Variants in CEP85L observed in about 807,000 individuals in gnomAD.
CEP85L encodes the protein centrosomal protein of 85 kDa-like.
Under a neutral mutation model 100.3 loss-of-function variants are expected in CEP85L, and 60 were observed. The observed-to-expected ratio is 0.60, with a 90% CI of 0.49 to 0.74. The LOEUF (loss-of-function observed/expected upper bound fraction) is 0.74, where lower values mean the gene tolerates loss of function less well. CEP85L is among the 30% of genes least tolerant of loss of function. The pLI, the probability that CEP85L is intolerant of heterozygous loss-of-function variation, is 0.00. For missense variants in CEP85L, 973 were observed against 936.2 expected (o/e 1.04, Z -0.51); for synonymous variants, 319 against 322.7 (o/e 0.99, Z 0.12).
intron 11 of CEP85L, among the ~76,000 whole-genome samples, chr6:118,470,119 AAAG>A (rs893160994): frequency 6.6e-6 from 1 of 152,140 alleles, no homozygotes; most frequent in Non-Finnish European, 1.5e-5. Flanking sequence ...GTATAAAATC[AAAG>A]AAGAAGAAAA....
rs192785931 is a variant in CEP85L at position 118,560,828 on chromosome 6, T to A, written c.1020+4701A>T. ...GGAAAATATATTCACCAAACTTTGG[T>A]AATTTAAGTTGACTAAAGTTTAAAA... On this transcript the variant is annotated intron_variant, in intron 3 of 12. Transcript: ENST00000368491. The A allele has an allele frequency of 2.6e-5, 4 of 153,528 alleles. No individual in the cohort carries two copies. In the Admixed American group the frequency reaches 2.6e-4, roughly 10 times the overall value. 9.5% of individuals were successfully genotyped at this position (153,528 alleles called of 1,614,324 possible).
At chr6:118,479,961 C>T in intron 9 of CEP85L, 40 bp from the exon 10 acceptor site, 3 of 1,047,848 alleles carry the variant, frequency 2.9e-6, no homozygotes, top group African/African-American at 1.7e-5. Context: ...ATAATTTTTA[C>T]ATCGCTTCTT....
At chr6:118,709,532 C>CGCGTGTGTGTGTGTGTGT (rs1777713420) in intron 1 of CEP85L, among the ~76,000 whole-genome samples, 1 of 87,158 alleles carries the variant, frequency 1.1e-5, no homozygotes, top group Non-Finnish European at 2.3e-5. Flanking sequence ...CAACAATTGG[C>CGCGTGTGTGTGTGTGTGT]GTGTGTGTGT....
At chr6:118,495,573 C>T (rs1245385722) in intron 5 of CEP85L, among the ~76,000 whole-genome samples, 6 of 152,094 alleles carry the variant, frequency 3.9e-5, no homozygotes, top group African/African-American at 9.7e-5. Context: ...CCCAGTCACG[C>T]GGAACTGTAA....
chr6:118,512,628 G>A (rs1331063329), intron 4 of CEP85L, among the ~76,000 whole-genome samples: 2 of 152,050 alleles, frequency 1.3e-5, no homozygotes, highest in Non-Finnish European at 2.9e-5. Context: ...ACCCTCAATA[G>A]TGAATTATCT....
At chr6:118,684,410 T>C (rs1776765081) in intron 1 of CEP85L, among the ~76,000 whole-genome samples, 1 of 152,114 alleles carries the variant, frequency 6.6e-6, no homozygotes, top group Non-Finnish European at 1.5e-5. Flanking sequence ...ACTGGGAGGA[T>C]GGCTTGAGCA....
Position 118,469,198 on chromosome 6 carries a change from T to C in CEP85L, c.2128A>G (p.Thr710Ala). 1 of 1,614,052 alleles carries C rather than the reference T, an allele frequency of 6.2e-7. No individual in the cohort carries two copies. Reference protein sequence around the residue: ...VLSKRPLFDLTVIDQLFKEMS... With the variant: ...VLSKRPLFDLAVIDQLFKEMS... The stretch of plus-strand genomic sequence containing the variant: ...TCCTTGAACAGCTGATCAATCACAG[T>C]CAAATCAAATAGTGGCCGTTTGGAA... The change falls in exon 12 of 13, where the codon ACT (threonine) becomes GCT (alanine). Residue 710 changes from threonine (T) to alanine (A), a missense_variant. Physicochemically the swap from Thr to Ala is moderately conservative, Grantham distance 58. Around this residue, in one of 3 missense-constraint regions of CEP85L, gnomAD observed 890 missense variants for 844.5 expected, o/e 1.05. Coordinates refer to ENST00000368491, the MANE Select transcript of CEP85L (RefSeq NM_001042475.3).
intron 1 of CEP85L, among the ~76,000 whole-genome samples, chr6:118,636,978 A>C (rs188541645): frequency 5.3e-5 from 8 of 152,308 alleles, no homozygotes; most frequent in Non-Finnish European, 4.4e-5. Flanking sequence ...AACTAGAAAA[A>C]TTCTAATCTT....
At chr6:118,554,505 T>C (rs1285248559) in intron 3 of CEP85L, among the ~76,000 whole-genome samples, 1 of 152,172 alleles carries the variant, frequency 6.6e-6, no homozygotes, top group Non-Finnish European at 1.5e-5. Flanking sequence ...AATCCCTTAT[T>C]TAACTTTAGT....
At chr6:118,660,457 T>C (rs538106093) in intron 1 of CEP85L, among the ~76,000 whole-genome samples, 72 of 152,352 alleles carry the variant, frequency 4.7e-4, no homozygotes, top group Non-Finnish European at 9.0e-4. Context: ...GGCCATACTG[T>C]CATTTATAAG....
intron 1 of CEP85L, 41 bp downstream of exon 1, chr6:118,651,156 C>G (rs972650386): frequency 3.4e-6 from 5 of 1,479,394 alleles, no homozygotes; most frequent in African/African-American, 1.5e-5. Flanking sequence ...CGCGGTCGGC[C>G]GTGACCCCCA....
intron 3 of CEP85L, among the ~76,000 whole-genome samples, chr6:118,525,353 C>T (rs1776905774): frequency 6.6e-6 from 1 of 152,084 alleles, no homozygotes; most frequent in Non-Finnish European, 1.5e-5. Flanking sequence ...TGACTGTATT[C>T]CTTAAAAAGA....
At chr6:118,538,842 T>G (rs1777747884) in intron 3 of CEP85L, among the ~76,000 whole-genome samples, 1 of 152,086 alleles carries the variant, frequency 6.6e-6, no homozygotes, top group African/African-American at 2.4e-5. Flanking sequence ...CTTTTTAAAT[T>G]TTTAGATGAA....
intron 3 of CEP85L, among the ~76,000 whole-genome samples, chr6:118,551,000 AAC>A (rs1778509707): frequency 2.0e-5 from 3 of 151,960 alleles, no homozygotes; most frequent in South Asian, 4.1e-4. Flanking sequence ...TAAAAAAAAT[AAC>A]ACACCCCAAT....
chr6:118,593,369 A>G (rs556530141), intron 2 of CEP85L, among the ~76,000 whole-genome samples: 2 of 152,124 alleles, frequency 1.3e-5, no homozygotes, highest in East Asian at 1.9e-4. Flanking sequence ...TTTAAAAAAA[A>G]AAAAAGAAAA....
chr6:118,547,730 T>A (rs1778289482), intron 3 of CEP85L, among the ~76,000 whole-genome samples: 1 of 152,110 alleles, frequency 6.6e-6, no homozygotes, highest in Non-Finnish European at 1.5e-5. Context: ...AACTGTAAGA[T>A]AAAAATAATT....
intron 3 of CEP85L, among the ~76,000 whole-genome samples, chr6:118,530,042 A>G (rs1777204537): frequency 6.6e-6 from 1 of 152,122 alleles, no homozygotes; most frequent in African/African-American, 2.4e-5. Flanking sequence ...AAATCATTAA[A>G]TAAAAATAAA....
intron 3 of CEP85L, among the ~76,000 whole-genome samples, chr6:118,546,845 T>G (rs1778234254): frequency 6.6e-6 from 1 of 152,178 alleles, no homozygotes; most frequent in African/African-American, 2.4e-5. Context: ...AACATTATTC[T>G]GCAATTTCCT....
intron 1 of CEP85L, among the ~76,000 whole-genome samples, chr6:118,706,788 C>G (rs770124752): frequency 6.6e-6 from 1 of 152,128 alleles, no homozygotes; most frequent in Non-Finnish European, 1.5e-5. Flanking sequence ...TTATAGGGAA[C>G]TTTTCTCTCC....
Sources: allele counts gnomAD v4.1 joint callset (sites outside exome capture counted in the v4.1 genomes callset), GRCh38; gene constraint gnomAD v4.1.1; regional missense constraint gnomAD v4.1.1; transcripts MANE v1.5; gene names NCBI Gene and HGNC (gene_info 2026-07-23, HGNC 2026-07-21).